The following COL5A1 variants were observed in gnomAD, a reference collection of about 807,000 sequenced individuals.
COL5A1 encodes the protein collagen type V alpha 1 chain.
A neutral mutation model predicts 263.7 loss-of-function variants in COL5A1; 16 were observed. The ratio of observed to expected loss-of-function variants is 0.06; its 90% CI spans 0.04 to 0.09. The LOEUF is 0.09. COL5A1 is among the 10% of genes least tolerant of loss of function. The pLI is 1.00. For missense variants in COL5A1, 2,036 were observed against 2,540.5 expected (o/e 0.80, Z 4.27); for synonymous variants, 1,012 against 1,004.5 (o/e 1.01, Z -0.14).
chr9:134,831,830 CCA>C, intron 64 of COL5A1, among the ~76,000 whole-genome samples: 1 of 152,218 alleles, frequency 6.6e-6, no homozygotes, highest in Non-Finnish European at 1.5e-5. Flanking sequence ...TCGTCCTGTT[CCA>C]CAGAGAGTTA....
chr9:134,822,981 C>T lies in COL5A1; in HGVS notation c.4609-17C>T. Reference sequence around the variant, plus strand: ...TGAGACCCGGCTTGCTGACGTTCTGCCCTCCTCTCTCTGCAGGGTCCGCCT... The same window carrying T: ...TGAGACCCGGCTTGCTGACGTTCTGTCCTCCTCTCTCTGCAGGGTCCGCCT... On this transcript the variant is annotated splice_polypyrimidine_tract_variant and intron_variant, in intron 59 of 65. Coordinates refer to ENST00000371817, the MANE Select transcript of COL5A1 (RefSeq NM_000093.5). 1.9e-6 allele frequency: 3 copies of T among 1,614,038 alleles called. No homozygotes were observed. The highest frequency in any genetic ancestry group is 2.2e-5 in the East Asian group (1 of 44,866).
At position 134,741,587 on chromosome 9, in the gene COL5A1, C is replaced by T. The variant is rs1835305065; in HGVS notation, c.1494+2779C>T. Among the ~76,000 whole-genome samples the T allele has an allele frequency of 6.6e-6, 1 of 152,020 alleles. No homozygotes were observed. The highest frequency in any genetic ancestry group is 2.1e-4 in the South Asian group (1 of 4,808). On this transcript the variant is annotated intron_variant, in intron 11 of 65. Transcript: ENST00000371817. This position sits in a 1 kb window ranked among gnomAD's most constrained non-coding sequence, Gnocchi z 4.5. ...AGGTGATAAGGGGCGCTCTCCAAAT[C>T]CTGGTACAGAAGCAGAGGCAGGAGG...
At chr9:134,764,005 T>G (rs1588522076) in intron 20 of COL5A1, among the ~76,000 whole-genome samples, 2 of 90,984 alleles carry the variant, frequency 2.2e-5, no homozygotes, top group African/African-American at 4.6e-5. Context: ...AGGGGCAGCG[T>G]GGTGGGGTCT....
intron 47 of COL5A1, 43 bp downstream of exon 47, chr9:134,812,545 T>C (rs570101053): frequency 6.2e-7 from 1 of 1,612,482 alleles, no homozygotes; most frequent in Non-Finnish European, 8.5e-7. Context: ...TACTAGCGGC[T>C]CATGTTTTGG....
At position 134,754,876 on chromosome 9, in the gene COL5A1, G is replaced by C. The variant is rs894712187; in HGVS notation, c.1827+550G>C. 5.3e-5 allele frequency among the ~76,000 whole-genome samples: 8 copies of C among 152,160 alleles called. No homozygotes were observed. Among genetic ancestry groups the C allele is most frequent in the African/African-American group, 1.9e-4 (8 of 41,456 alleles). ...GGCTGGGGCAGGCCCTGGGAGCCCAGATTGTGCTCTCAAAAGTGGACCTTT... is the reference window on the plus strand; with the variant it reads ...GGCTGGGGCAGGCCCTGGGAGCCCACATTGTGCTCTCAAAAGTGGACCTTT... On this transcript the variant is annotated intron_variant, in intron 16 of 65. Coordinates refer to ENST00000371817, the MANE Select transcript of COL5A1 (RefSeq NM_000093.5). This position sits in a 1 kb window ranked among gnomAD's most constrained non-coding sequence, Gnocchi z 4.3.
At position 134,757,524 on chromosome 9, in the gene COL5A1, C is replaced by T. The variant is rs1836024519; in HGVS notation, c.1881+706C>T. On this transcript the variant is annotated intron_variant, in intron 17 of 65. Coordinates refer to ENST00000371817, the MANE Select transcript of COL5A1 (RefSeq NM_000093.5). This position sits in a 1 kb window ranked among gnomAD's most constrained non-coding sequence, Gnocchi z 6.2. The stretch of plus-strand genomic sequence containing the variant: ...CAGGGCTCAACTACACCTGTTCCCT[C>T]TTAACGGGCGTGGATGAGCTCTGAA... 6.6e-6 allele frequency among the ~76,000 whole-genome samples: 1 copy of T among 152,186 alleles called. No individual in the cohort carries two copies. The highest frequency in any genetic ancestry group is 1.5e-5 in the Non-Finnish European group (1 of 68,038).
intron 11 of COL5A1, among the ~76,000 whole-genome samples, chr9:134,747,458 CACAA>C (rs1180970430): frequency 6.6e-6 from 1 of 152,170 alleles, no homozygotes; most frequent in Non-Finnish European, 1.5e-5. Flanking sequence ...TGCATTCCCA[CACAA>C]ACGTACACAT....
intron 36 of COL5A1, among the ~76,000 whole-genome samples, chr9:134,797,907 C>T (rs1222157690): frequency 6.6e-6 from 1 of 152,242 alleles, no homozygotes; most frequent in Admixed American, 6.5e-5. Context: ...AGGTCACAGG[C>T]ACAGGTTCTG....
intron 65 of COL5A1, among the ~76,000 whole-genome samples, chr9:134,839,576 C>T (rs959188966): frequency 5.9e-5 from 9 of 152,338 alleles, no homozygotes; most frequent in South Asian, 2.1e-4. Context: ...GCTGACCTGT[C>T]GCCGAGCTCA....
intron 34 of COL5A1, among the ~76,000 whole-genome samples, chr9:134,795,588 A>G (rs1283683305): frequency 6.6e-6 from 1 of 152,044 alleles, no homozygotes; most frequent in Non-Finnish European, 1.5e-5. Context: ...GACCCCAAAG[A>G]CGGCAGCAGG....
intron 14 of COL5A1, among the ~76,000 whole-genome samples, chr9:134,753,374 AG>A (rs1160194344): frequency 6.6e-6 from 1 of 152,004 alleles, no homozygotes; most frequent in Non-Finnish European, 1.5e-5. Flanking sequence ...AGGCACACAG[AG>A]GAGTTCAACA....
chr9:134,775,648 G>A (rs541032048), intron 27 of COL5A1, among the ~76,000 whole-genome samples: 23 of 152,280 alleles, frequency 1.5e-4, no homozygotes, highest in African/African-American at 5.1e-4. Flanking sequence ...CTAGGCGCAC[G>A]CGGACCAGCT....
At chr9:134,733,668 G>T (rs538737866) in intron 9 of COL5A1, among the ~76,000 whole-genome samples, 1 of 152,210 alleles carries the variant, frequency 6.6e-6, no homozygotes, top group African/African-American at 2.4e-5. Context: ...GAGCAGCTGT[G>T]GGGGAGAGTG....
In COL5A1 at chr9:134,802,962, G is replaced by C; in HGVS notation, c.3081G>C (p.Gly1027=). The change falls in exon 39 of 66, where the codon GGG becomes GGC. Residue 1027 remains glycine (G), a synonymous_variant. Coordinates refer to ENST00000371817, the MANE Select transcript of COL5A1 (RefSeq NM_000093.5). ...CCCCTGGACCCCCCGGTGAACAGGG[G>C]CTTCCGGGCCTTGCTGGAAAAGAAG... The part of the protein sequence containing the change: ...PGPPGPPGEQ[G]LPGLAGKEGT... The C allele has an allele frequency of 6.2e-7, 1 of 1,609,560 alleles. No homozygotes were observed. Among genetic ancestry groups the C allele is most frequent in the Non-Finnish European group, 8.5e-7 (1 of 1,178,546 alleles).
chr9:134,658,228 G>A (rs1293918757), intron 1 of COL5A1, among the ~76,000 whole-genome samples: 1 of 152,108 alleles, frequency 6.6e-6, no homozygotes, highest in African/African-American at 2.4e-5. Flanking sequence ...TCGCCCCTCT[G>A]TGAGCAGGCA....
rs115988123 is a variant in COL5A1, at chr9:134,764,790, A to G, written c.2035-891A>G. 4.7e-3 allele frequency among the ~76,000 whole-genome samples: 720 copies of G among 152,114 alleles called. 7 individuals are homozygous for G. The highest frequency in any genetic ancestry group is 0.017 in the African/African-American group (694 of 41,460). On this transcript the variant is annotated intron_variant, in intron 20 of 65. Coordinates refer to ENST00000371817, the MANE Select transcript of COL5A1 (RefSeq NM_000093.5). ...CCTCTAAGGAGAATTCATGAACTCCACTCTCTCCTTAACACATGTCCAAGT... is the reference window on the plus strand; with the variant it reads ...CCTCTAAGGAGAATTCATGAACTCCGCTCTCTCCTTAACACATGTCCAAGT...
chr9:134,832,199 A>C (rs553510063), intron 64 of COL5A1, among the ~76,000 whole-genome samples: 1 of 152,270 alleles, frequency 6.6e-6, no homozygotes, highest in East Asian at 1.9e-4. Context: ...TGAGGTCAGG[A>C]GTTTAAGACC....
chr9:134,705,883 GCCGCTGAGAGGT>G (rs1833819829), intron 4 of COL5A1, among the ~76,000 whole-genome samples: 1 of 152,234 alleles, frequency 6.6e-6, no homozygotes, highest in Admixed American at 6.5e-5. Context: ...GGAGGATGGA[GCCGCTGAGAGGT>G]CCATGGGGAA....
At position 134,757,364 on chromosome 9, in the gene COL5A1, AC is replaced by A. The variant is rs1836016800; in HGVS notation, c.1881+550del. Reference sequence around the variant, plus strand: ...GTGAGCATTGCCCCGGTCTTGGCTCACCCCTCCTCCTCGCCTCTTGGAAGCA... The same window carrying A: ...GTGAGCATTGCCCCGGTCTTGGCTCACCCTCCTCCTCGCCTCTTGGAAGCA... On this transcript the variant is annotated intron_variant, in intron 17 of 65. Coordinates refer to ENST00000371817, the MANE Select transcript of COL5A1 (RefSeq NM_000093.5). This position sits in a 1 kb window ranked among gnomAD's most constrained non-coding sequence, Gnocchi z 6.2. 6.6e-6 allele frequency among the ~76,000 whole-genome samples: 1 copy of A among 151,912 alleles called. No individual in the cohort carries two copies. The highest frequency in any genetic ancestry group is 2.1e-4 in the South Asian group (1 of 4,788).
Sources: gnomAD v4.1 joint callset for allele counts (sites outside exome capture counted in the v4.1 genomes callset) on GRCh38, gnomAD v4.1.1 for gene constraint, Gnocchi (gnomAD v3.1) non-coding constraint, MANE v1.5 for transcripts, NCBI Gene and HGNC (gene_info 2026-07-23, HGNC 2026-07-21) for gene names.